The following SH3PXD2A variants were observed in gnomAD, a reference collection of about 807,000 sequenced individuals.
SH3PXD2A encodes SH3 and PX domain-containing protein 2A.
SH3PXD2A carries 32 observed loss-of-function variants against 115.2 expected under a neutral mutation model. That is an observed-to-expected ratio of 0.28 (90% CI 0.21 to 0.37). SH3PXD2A has a LOEUF of 0.37. Among genes scored for constraint, SH3PXD2A ranks in the 10% least tolerant of loss-of-function variants. The pLI is 1.00. For missense variants in SH3PXD2A, 1,328 were observed against 1,498.7 expected, an observed-to-expected ratio of 0.89 and a Z score of 1.88; for synonymous variants, 610 against 629.1, an observed-to-expected ratio of 0.97 and a Z score of 0.45.
At chr10:103,853,994 C>T (rs1356870301) in intron 1 of SH3PXD2A, among the ~76,000 whole-genome samples, 1 of 152,182 alleles carries the variant, frequency 6.6e-6, no homozygotes, top group Non-Finnish European at 1.5e-5. Flanking sequence ...AGGCACCCAC[C>T]TCCCTGCCTA....
At chr10:103,632,013 C>T (rs1202760185) in intron 8 of SH3PXD2A, among the ~76,000 whole-genome samples, 3 of 152,080 alleles carry the variant, frequency 2.0e-5, no homozygotes, top group Non-Finnish European at 2.9e-5. Context: ...ACACTTCCCA[C>T]GCTAACCACC....
chr10:103,693,466 C>G (rs1167545356), intron 5 of SH3PXD2A: 1 of 152,076 alleles, frequency 6.6e-6, no homozygotes, highest in Non-Finnish European at 1.5e-5. Flanking sequence ...TCCCCGCCAC[C>G]GGAGCGGTTC....
chr10:103,748,946 T>C (rs2038541178), intron 3 of SH3PXD2A, among the ~76,000 whole-genome samples: 1 of 151,920 alleles, frequency 6.6e-6, no homozygotes, highest in African/African-American at 2.4e-5. Context: ...GAAGCCCTTC[T>C]TCCTGAAGTC....
At chr10:103,801,394 G>A in intron 1 of SH3PXD2A, 32 bp from the exon 2 acceptor site, 1 of 1,411,534 alleles carries the variant, frequency 7.1e-7, no homozygotes, top group Non-Finnish European at 1.0e-6. Flanking sequence ...AGGTGAGCAA[G>A]GCTGGATTTC....
chr10:103,701,586 C>G (rs2037906572), intron 5 of SH3PXD2A, among the ~76,000 whole-genome samples: 2 of 149,880 alleles, frequency 1.3e-5, no homozygotes, highest in South Asian at 2.2e-4. Flanking sequence ...CATCCATCAT[C>G]CATCCATCAT....
chr10:103,722,303 C>CAAAAAA (rs34835878), intron 5 of SH3PXD2A, among the ~76,000 whole-genome samples: 9 of 91,308 alleles, frequency 9.9e-5, no homozygotes, highest in African/African-American at 3.5e-4. Flanking sequence ...GACTCTGTCT[C>CAAAAAA]AAAAAAAAAA....
chr10:103,602,904 T>C lies in SH3PXD2A; in HGVS notation c.2314A>G (p.Lys772Glu). The part of the protein sequence containing the change: ...LNRAESQSQE[K>E]MDISTLRRQL... The stretch of plus-strand genomic sequence containing the variant: ...CGCCGTAAAGTGCTGATGTCCATCT[T>C]CTCTTGGCTCTGCGACTCTGCTCGG... Residue 772 changes from lysine (K) to glutamate (E), a missense_variant, in exon 15 of 15, where the codon AAG (lysine) becomes GAG (glutamate). Coordinates refer to ENST00000369774, the MANE Select transcript of SH3PXD2A (RefSeq NM_001394015.1). The C allele has an allele frequency of 1.2e-6, 2 of 1,614,150 alleles. No individual in the cohort carries two copies. Among genetic ancestry groups the C allele is most frequent in the Non-Finnish European group, 1.7e-6 (2 of 1,180,000 alleles).
chr10:103,738,322 T>C (rs1476450333), intron 3 of SH3PXD2A, among the ~76,000 whole-genome samples: 1 of 152,230 alleles, frequency 6.6e-6, no homozygotes, highest in African/African-American at 2.4e-5. Context: ...TGGTTGCCTG[T>C]CGCTTGATTG....
intron 5 of SH3PXD2A, among the ~76,000 whole-genome samples, chr10:103,696,913 T>C (rs2037831816): frequency 1.3e-5 from 2 of 152,126 alleles, no homozygotes; most frequent in Admixed American, 6.5e-5. Context: ...TCTCCTGTGG[T>C]CCACAGGTCT....
intron 2 of SH3PXD2A, among the ~76,000 whole-genome samples, chr10:103,776,890 A>G (rs1428973827): frequency 1.3e-5 from 2 of 152,246 alleles, no homozygotes; most frequent in African/African-American, 4.8e-5. Context: ...CTAGGACTTC[A>G]ATATATGAAT....
At position 103,821,637 on chromosome 10, in the gene SH3PXD2A, C is replaced by T. The variant is rs377757187; in HGVS notation, c.73-20275G>A. On this transcript the variant is annotated intron_variant, in intron 1 of 14. Transcript: ENST00000369774. ...GCATGATCTCTGCTCACTGCAGCCTCGACCTCCTGGGCTCAAGCCATCCTC... is the reference window on the plus strand; with the variant it reads ...GCATGATCTCTGCTCACTGCAGCCTTGACCTCCTGGGCTCAAGCCATCCTC... Among the ~76,000 whole-genome samples the T allele has an allele frequency of 1.3e-3, 204 of 152,206 alleles. 1 individual carries two copies. Among genetic ancestry groups the T allele is most frequent in the African/African-American group, 4.5e-3 (186 of 41,516 alleles).
chr10:103,656,757 G>A (rs546373055), intron 8 of SH3PXD2A, among the ~76,000 whole-genome samples: 1 of 151,068 alleles, frequency 6.6e-6, no homozygotes, highest in Non-Finnish European at 1.5e-5. Flanking sequence ...TGACCCAGGA[G>A]GTGGAGGTTG....
intron 11 of SH3PXD2A, among the ~76,000 whole-genome samples, chr10:103,614,989 CA>C (rs1383893871): frequency 1.3e-5 from 2 of 152,152 alleles, no homozygotes; most frequent in African/African-American, 2.4e-5. Flanking sequence ...GGGTGGGAGT[CA>C]GGGGCCTGTC....
In SH3PXD2A at chr10:103,716,407, G is replaced by A. The variant is rs1413194477; in HGVS notation, c.398+7863C>T. 2.0e-5 allele frequency among the ~76,000 whole-genome samples: 3 copies of A among 152,214 alleles called. No individual in the cohort carries two copies. The East Asian group carries it at 5.8e-4, about 29-fold the overall frequency. ...TCACCCCAGGTCCCTCGGAACATTG[G>A]GGCATTGTTCTACTGTACAACAGAG... is the stretch of plus-strand genomic sequence containing the variant. On this transcript the variant is annotated intron_variant, in intron 5 of 14. Transcript: ENST00000369774.
rs758931068 is a variant in SH3PXD2A, at chr10:103,596,657, A to ACTCT, written c.*5158_*5159insAGAG. On this transcript the variant is annotated 3_prime_UTR_variant, in exon 15 of 15. Coordinates refer to ENST00000369774, the MANE Select transcript of SH3PXD2A (RefSeq NM_001394015.1). ...CAGACACACACACACACACACACAC[A>ACTCT]CACACACTCTCTCTCTCTCTCTCTC... The ACTCT allele has an allele frequency of 1.3e-3, 70 of 55,480 alleles. No homozygotes were observed. The South Asian group carries it at 0.025, about 20-fold the overall frequency. The allele number at this position is 55,480 out of a possible 1,614,324, so 3.4% of individuals were successfully genotyped here.
chr10:103,668,134 C>G (rs1399971913), intron 7 of SH3PXD2A, among the ~76,000 whole-genome samples: 1 of 152,264 alleles, frequency 6.6e-6, no homozygotes. Context: ...GCCCGCTGCT[C>G]TCTGCCTCAG....
At chr10:103,731,772 A>C (rs2038322566) in intron 4 of SH3PXD2A, among the ~76,000 whole-genome samples, 1 of 152,218 alleles carries the variant, frequency 6.6e-6, no homozygotes, top group African/African-American at 2.4e-5. Context: ...TGGAAGGGAG[A>C]ATACCTGGGA....
At chr10:103,854,210 G>T (rs1490799026) in intron 1 of SH3PXD2A, among the ~76,000 whole-genome samples, 1 of 152,224 alleles carries the variant, frequency 6.6e-6, no homozygotes. Flanking sequence ...GCAGCAACCA[G>T]CGCCTGTTTT....
Position 103,665,093 on chromosome 10 carries a change from A to G in SH3PXD2A, c.472+3515T>C, listed in dbSNP as rs915424428. ...GTGAAACGCGTGAACTGGCAGAAAG[A>G]TGAACAGAGGGACTCATTGGTTTGT... On this transcript the variant is annotated intron_variant, in intron 7 of 14. Coordinates refer to ENST00000369774, the MANE Select transcript of SH3PXD2A (RefSeq NM_001394015.1). The surrounding 1 kb of genome is among the most constrained non-coding windows in gnomAD (Gnocchi z 4.0). Among the ~76,000 whole-genome samples, 3 of 152,202 alleles carry G rather than the reference A, an allele frequency of 2.0e-5. No individual in the cohort carries two copies. The highest frequency in any genetic ancestry group is 2.0e-4 in the Admixed American group (3 of 15,282).
Sources: gnomAD v4.1 joint callset for allele counts (sites outside exome capture counted in the v4.1 genomes callset) on GRCh38, gnomAD v4.1.1 for gene constraint, Gnocchi (gnomAD v3.1) non-coding constraint, MANE v1.5 for transcripts, NCBI Gene and HGNC (gene_info 2026-07-23, HGNC 2026-07-21) for gene names.